The following PHACTR2 variants were observed in gnomAD, a reference collection of about 807,000 sequenced individuals.
PHACTR2 encodes the protein chromosome 6 open reading frame 56.
Under a neutral mutation model 76.0 loss-of-function variants are expected in PHACTR2, and 30 were observed. The ratio of observed to expected loss-of-function variants is 0.39; its 90% CI spans 0.30 to 0.54. The LOEUF is 0.54. Ranked by LOEUF, PHACTR2 falls within the 20% of genes least tolerant of loss-of-function variation. PHACTR2 has a pLI of 0.61. For synonymous variants in PHACTR2, 292 were observed against 292.5 expected, an observed-to-expected ratio of 1.00 and a Z score of 0.02; for missense variants, 696 against 781.1, an observed-to-expected ratio of 0.89 and a Z score of 1.30.
At chr6:143,771,131 CATATATATATATGT>C (rs776628277) in intron 6 of PHACTR2, among the ~76,000 whole-genome samples, 21,275 of 70,320 alleles carry the variant, frequency 0.3, 4,432 homozygotes, top group Middle Eastern at 0.41. Flanking sequence ...ATGTACTTTA[CATATATATATATGT>C]ATATATATAT....
intron 1 of PHACTR2, among the ~76,000 whole-genome samples, chr6:143,564,259 T>A: frequency 7.6e-6 from 1 of 131,218 alleles, no homozygotes; most frequent in African/African-American, 2.8e-5. Flanking sequence ...ACTCTAACCT[T>A]GGCAACAGAG....
At chr6:143,814,689 G>A (rs1019764161) in intron 12 of PHACTR2, among the ~76,000 whole-genome samples, 27 of 141,320 alleles carry the variant, frequency 1.9e-4, no homozygotes, top group South Asian at 2.3e-4. Flanking sequence ...TGCAAGCTCC[G>A]CCTCCTCGGT....
chr6:143,804,584 T>A (rs1265405476), intron 11 of PHACTR2, among the ~76,000 whole-genome samples: 3 of 152,226 alleles, frequency 2.0e-5, no homozygotes, highest in Non-Finnish European at 4.4e-5. Flanking sequence ...TGCATATGTA[T>A]ATGGTCATCA....
intron 1 of PHACTR2, among the ~76,000 whole-genome samples, chr6:143,681,809 G>T (rs1342314556): frequency 6.6e-6 from 1 of 152,160 alleles, no homozygotes; most frequent in East Asian, 1.9e-4. Flanking sequence ...ATATCCAATT[G>T]TTCCAGCACC....
In PHACTR2 at chr6:143,578,964, C is replaced by T. The variant is rs1459014543; in HGVS notation, c.217+41757C>T. ...TGGCACCCAGGCTGGAGTGCAGTGG[C>T]GTGATCACAGCTCACTGCAACCTCC... On this transcript the variant is annotated intron_variant, in intron 1 of 11. Coordinates refer to the PHACTR2 transcript ENST00000367584. This position sits in a 1 kb window ranked among gnomAD's most constrained non-coding sequence, Gnocchi z 4.5. 1.2e-4 allele frequency among the ~76,000 whole-genome samples: 19 copies of T among 152,052 alleles called. No individual in the cohort carries two copies. Among genetic ancestry groups the T allele is most frequent in the Non-Finnish European group, 2.5e-4 (17 of 67,998 alleles).
chr6:143,798,445 A>G (rs1049811944), intron 11 of PHACTR2, among the ~76,000 whole-genome samples: 1 of 152,108 alleles, frequency 6.6e-6, no homozygotes, highest in Non-Finnish European at 1.5e-5. Flanking sequence ...GTTGAATAGG[A>G]GTGGTGAGAG....
At chr6:143,797,866 G>T (rs1775862369) in intron 11 of PHACTR2, among the ~76,000 whole-genome samples, 1 of 152,166 alleles carries the variant, frequency 6.6e-6, no homozygotes, top group Non-Finnish European at 1.5e-5. Context: ...GCCCAGGATT[G>T]TCTTGGATAT....
Position 143,546,902 on chromosome 6 carries a change from T to C in PHACTR2, c.217+9695T>C, listed in dbSNP as rs566795208. Among the ~76,000 whole-genome samples the C allele has an allele frequency of 2.0e-4, 30 of 151,896 alleles. No individual in the cohort carries two copies. Among genetic ancestry groups the C allele is most frequent in the African/African-American group, 6.3e-4 (26 of 41,422 alleles). On this transcript the variant is annotated intron_variant, in intron 1 of 11. Transcript: ENST00000367584. This position sits in a 1 kb window ranked among gnomAD's most constrained non-coding sequence, Gnocchi z 4.9. ...AAAATAAAAAATTAGCCAGGTGAAC[T>C]GGTGCGCACCTGTAGTCCTTGCTAC...
At chr6:143,614,642 C>T (rs751544962) in intron 1 of PHACTR2, among the ~76,000 whole-genome samples, 1 of 152,130 alleles carries the variant, frequency 6.6e-6, no homozygotes, top group Non-Finnish European at 1.5e-5. Flanking sequence ...TGAATATGTA[C>T]ATTTCATGAT....
chr6:143,537,546 A>G lies in PHACTR2; in HGVS notation c.217+339A>G, dbSNP rs9484759. ...TTGGCTTCCGAGGCTTTTCCATCAG[A>G]AAGAGGAACATTCTCGGTCTTCGGC... is the stretch of plus-strand genomic sequence containing the variant. On this transcript the variant is annotated intron_variant, in intron 1 of 11. Transcript: ENST00000367584. This position sits in a 1 kb window ranked among gnomAD's most constrained non-coding sequence, Gnocchi z 4.4. Among the ~76,000 whole-genome samples the G allele has an allele frequency of 0.19, 28,609 of 152,056 alleles. 2,743 individuals carry two copies. Among genetic ancestry groups the G allele is most frequent in the Non-Finnish European group, 0.21 (14,178 of 67,958 alleles).
In PHACTR2 at chr6:143,765,656, C is replaced by A; in HGVS notation, c.1090C>A (p.Pro364Thr). ...TCAGTGCATTACTGCCTCAGACACT[C>A]CAGTTGTCCTCGTCAGCGTTGGAGC... ...EDQCITASDT[P>T]VVLVSVGADL... The change falls in exon 6 of 13, where the codon CCA becomes ACA. Residue 364 changes from proline (P) to threonine (T), a missense_variant. Pro to Thr is a conservative substitution (Grantham distance 38, BLOSUM62 -1). This residue lies in a region of PHACTR2 where 460 missense variants were observed against 450.9 expected (regional missense o/e 1.02). Transcript: ENST00000440869. This position sits in a 1 kb window ranked among gnomAD's most constrained non-coding sequence, Gnocchi z 4.1. 1 of 1,614,186 alleles carries A rather than the reference C, an allele frequency of 6.2e-7. No individual in the cohort carries two copies. The highest frequency in any genetic ancestry group is 8.5e-7 in the Non-Finnish European group (1 of 1,180,034).
chr6:143,748,939 C>T (rs1281570346), intron 2 of PHACTR2, 46 bp from the exon 3 acceptor site: 2 of 968,978 alleles, frequency 2.1e-6, no homozygotes, highest in Admixed American at 1.9e-5. Flanking sequence ...TCATAATTAT[C>T]TTAAGGAATG....
chr6:143,755,495 A>G lies in PHACTR2; in HGVS notation c.454+1583A>G, dbSNP rs1282268018. On this transcript the variant is annotated intron_variant, in intron 4 of 12. Coordinates refer to ENST00000440869, the MANE Select transcript of PHACTR2 (RefSeq NM_001100164.2). This position sits in a 1 kb window ranked among gnomAD's most constrained non-coding sequence, Gnocchi z 5.2. ...AATAAAAAGTTCCTGACAGTTTTAT[A>G]TGAATTAACCAACAGACCTTGATGT... is the stretch of plus-strand genomic sequence containing the variant. The G allele has an allele frequency of 5.2e-6, 2 of 385,910 alleles. No individual in the cohort carries two copies. The highest frequency in any genetic ancestry group is 4.2e-5 in the African/African-American group (2 of 47,738). The allele number at this position is 385,910 out of a possible 1,614,324, so 23.9% of individuals were successfully genotyped here. A position where few individuals can be genotyped will look rare whatever the true frequency, so the allele number is the denominator to read the frequency against.
upstream of PHACTR2, among the ~76,000 whole-genome samples, chr6:143,605,400 T>C (rs1178532361): frequency 6.6e-6 from 1 of 152,246 alleles, no homozygotes; most frequent in Non-Finnish European, 1.5e-5. The surrounding 1 kb of genome is among the most constrained non-coding windows in gnomAD (Gnocchi z 5.0). Context: ...GAACATTTTA[T>C]AACCAGGCAT....
chr6:143,794,699 C>T lies in PHACTR2; in HGVS notation c.1845+5789C>T, dbSNP rs1473697424. ...GTCCCAGCTGCTTGGGAGACTGAAG[C>T]AGGAGAATCACTTGAACCCAGGAGA... On this transcript the variant is annotated intron_variant, in intron 11 of 12. Coordinates refer to ENST00000440869, the MANE Select transcript of PHACTR2 (RefSeq NM_001100164.2). This position sits in a 1 kb window ranked among gnomAD's most constrained non-coding sequence, Gnocchi z 4.1. Among the ~76,000 whole-genome samples the T allele has an allele frequency of 6.6e-6, 1 of 152,114 alleles. No homozygotes were observed. The highest frequency in any genetic ancestry group is 1.5e-5 in the Non-Finnish European group (1 of 68,036).
intron 1 of PHACTR2, among the ~76,000 whole-genome samples, chr6:143,613,194 C>T (rs1480630249): frequency 6.6e-6 from 1 of 152,262 alleles, no homozygotes. Context: ...CCAGGATGGT[C>T]TCAGTCTCCC....
Position 143,777,121 on chromosome 6 carries a change from A to G in PHACTR2, c.1590-207A>G, listed in dbSNP as rs1161318893. On this transcript the variant is annotated intron_variant, in intron 8 of 12. Transcript: ENST00000440869. This position sits in a 1 kb window ranked among gnomAD's most constrained non-coding sequence, Gnocchi z 4.6. ...CCAGGCCGCTCTGTTGCTAAAAGGA[A>G]AGGAGACTGTGTAATGGGGGTCGGT... 1.3e-5 allele frequency among the ~76,000 whole-genome samples: 2 copies of G among 152,126 alleles called. No individual in the cohort carries two copies. The highest frequency in any genetic ancestry group is 2.1e-4 in the South Asian group (1 of 4,818).
rs1435543120 is a variant in PHACTR2, at chr6:143,619,572, G to A, written c.13+11250G>A. On this transcript the variant is annotated intron_variant, in intron 1 of 11. Transcript: ENST00000305766. The surrounding 1 kb of genome is among the most constrained non-coding windows in gnomAD (Gnocchi z 4.5). ...CATCTTTCTTTGAGACTGTTGCATG[G>A]GAATGGTGGTACATTCTGTTTTCTC... 1.3e-5 allele frequency among the ~76,000 whole-genome samples: 2 copies of A among 152,164 alleles called. No homozygotes were observed. The highest frequency in any genetic ancestry group is 3.8e-4 in the East Asian group (2 of 5,196).
In PHACTR2 at chr6:143,820,858, AC is replaced by A. The variant is rs1263790740; in HGVS notation, c.1923-2813del. ...CCTTCCAGTAGGCTTCTGCCTGGAC[AC>A]CCAGGCTTTTCCATGTATCCCCTGA... On this transcript the variant is annotated intron_variant, in intron 12 of 12. Coordinates refer to ENST00000440869, the MANE Select transcript of PHACTR2 (RefSeq NM_001100164.2). The surrounding 1 kb of genome is among the most constrained non-coding windows in gnomAD (Gnocchi z 4.2). Among the ~76,000 whole-genome samples, 3 of 152,270 alleles carry A rather than the reference AC, an allele frequency of 2.0e-5. No homozygotes were observed. In the East Asian group the frequency reaches 5.8e-4, roughly 29 times the overall value.
Sources: gnomAD v4.1 joint callset for allele counts (sites outside exome capture counted in the v4.1 genomes callset) on GRCh38, gnomAD v4.1.1 for gene constraint, gnomAD v4.1.1 regional missense constraint, Gnocchi (gnomAD v3.1) non-coding constraint, MANE v1.5 for transcripts, NCBI Gene and HGNC (gene_info 2026-07-23, HGNC 2026-07-21) for gene names.